Variants in KRT8 observed in about 807,000 individuals in gnomAD.
KRT8 encodes keratin 8.
A neutral mutation model predicts 43.0 loss-of-function variants in KRT8; 24 were observed. That is an observed-to-expected ratio of 0.56 (90% confidence interval 0.40 to 0.78). The LOEUF (loss-of-function observed/expected upper bound fraction) is 0.78. KRT8 is among the 30% of genes least tolerant of loss of function. The probability of loss-of-function intolerance (pLI) is 0.00; values close to 1 mark genes in which losing one functional copy is unlikely to be tolerated. For missense variants in KRT8, 492 were observed against 638.4 expected (o/e 0.77, Z 2.47); for synonymous variants, 214 against 261.2 (o/e 0.82, Z 1.74).
intron 2 of KRT8, among the ~76,000 whole-genome samples, chr12:52,940,671 G>T (rs1942253297): frequency 6.7e-6 from 1 of 149,568 alleles, no homozygotes; most frequent in Non-Finnish European, 1.5e-5. Flanking sequence ...TGTGGCCCAG[G>T]CTGGAGTGCA....
Position 52,898,374 on chromosome 12 carries a change from G to A in KRT8, c.1261+87C>T, listed in dbSNP as rs952315818. ...TGAGTGCTCAGGCTGAGGTCACTGT[G>A]AGCGACTGAGCACAGCCCCCTCCCT... On this transcript the variant is annotated intron_variant, in intron 7 of 7. Transcript: ENST00000692008. 21 of 1,142,186 alleles carry A rather than the reference G, an allele frequency of 1.8e-5. No individual in the cohort carries two copies. The Admixed American group carries it at 3.9e-4, about 21-fold the overall frequency. 70.8% of individuals were successfully genotyped at this position (1,142,186 alleles called of 1,614,324 possible). A position where few individuals can be genotyped will look rare whatever the true frequency, so the allele number is the denominator to read the frequency against.
chr12:52,919,515 G>C (rs140015056), intron 2 of KRT8, among the ~76,000 whole-genome samples: 1 of 152,024 alleles, frequency 6.6e-6, no homozygotes, highest in African/African-American at 2.4e-5. Context: ...TGATCTGCTC[G>C]CCTCAGCCTC....
At chr12:52,948,935 G>C (rs964352053) in intron 2 of KRT8, 3 of 435,800 alleles carry the variant, frequency 6.9e-6, no homozygotes, top group Non-Finnish European at 7.9e-6. Flanking sequence ...CCCGTTTCTG[G>C]GGGGTGAGCG....
At chr12:52,918,184 GA>G (rs1941801623) in intron 2 of KRT8, among the ~76,000 whole-genome samples, 2 of 110,172 alleles carry the variant, frequency 1.8e-5, no homozygotes, top group African/African-American at 7.9e-5. Flanking sequence ...GGAAGAGGAA[GA>G]AGAAGAAGAA....
intron 2 of KRT8, among the ~76,000 whole-genome samples, chr12:52,913,791 C>T (rs548184362): frequency 8.5e-5 from 13 of 152,242 alleles, no homozygotes; most frequent in East Asian, 5.8e-4. Flanking sequence ...CACCTTCCTA[C>T]GAACGTCACA....
At chr12:52,920,862 A>G (rs1941869827) in intron 2 of KRT8, among the ~76,000 whole-genome samples, 3 of 152,244 alleles carry the variant, frequency 2.0e-5, no homozygotes, top group African/African-American at 4.8e-5. Flanking sequence ...AACCAGCGAC[A>G]TAGCAAGACC....
chr12:52,931,798 G>C (rs1942089891), intron 2 of KRT8, among the ~76,000 whole-genome samples: 1 of 151,952 alleles, frequency 6.6e-6, no homozygotes, highest in Admixed American at 6.6e-5. Context: ...GAGTAGCTGG[G>C]ATTACAGGTG....
At chr12:52,904,571 G>C in intron 1 of KRT8, 87 bp downstream of exon 1, 1 of 1,294,936 alleles carries the variant, frequency 7.7e-7, no homozygotes, top group Non-Finnish European at 1.1e-6. Context: ...CAGGACGCCA[G>C]CTGGGGGCTG....
At chr12:52,931,953 G>A (rs1203181907) in intron 2 of KRT8, among the ~76,000 whole-genome samples, 5 of 151,982 alleles carry the variant, frequency 3.3e-5, no homozygotes, top group Non-Finnish European at 5.9e-5. Flanking sequence ...ATGCGCCACT[G>A]CGCTTGGCCA....
chr12:52,923,939 G>T (rs974166908), intron 2 of KRT8, among the ~76,000 whole-genome samples: 1 of 148,488 alleles, frequency 6.7e-6, no homozygotes, highest in Admixed American at 6.7e-5. Flanking sequence ...CCGCCTCCCG[G>T]GTTCAAGCGA....
At chr12:52,937,139 G>A (rs1009015726) in intron 2 of KRT8, among the ~76,000 whole-genome samples, 2 of 152,148 alleles carry the variant, frequency 1.3e-5, no homozygotes, top group African/African-American at 2.4e-5. Flanking sequence ...GGGAGGCTGA[G>A]GCGGGTGGAC....
In KRT8 at chr12:52,900,680, C is replaced by T; in HGVS notation, c.598G>A (p.Val200Met). 3 of 1,610,626 alleles carry T rather than the reference C, an allele frequency of 1.9e-6. No individual in the cohort carries two copies. Among genetic ancestry groups the T allele is most frequent in the Non-Finnish European group, 2.5e-6 (3 of 1,178,138 alleles). ...ACCTTGTTCATGTAAGCTTCATCCA[C>T]ATCCTGGGGGATGAGGAGAGGGGAG... The change falls in exon 4 of 8, where the codon GTG becomes ATG. Residue 200 changes from valine (V) to methionine (M), a missense_variant. By Grantham distance (21) the Val-to-Met change is conservative. This residue lies in a region of KRT8 where 389 missense variants were observed against 485.7 expected (regional missense o/e 0.80). Coordinates refer to ENST00000692008, the Ensembl canonical transcript of KRT8.
chr12:52,933,564 C>A (rs1054175661), intron 2 of KRT8, among the ~76,000 whole-genome samples: 1 of 152,104 alleles, frequency 6.6e-6, no homozygotes, highest in African/African-American at 2.4e-5. Flanking sequence ...CAAACCGATT[C>A]TAATAATGTA....
At chr12:52,946,219 A>G (rs1057242820) in intron 2 of KRT8, among the ~76,000 whole-genome samples, 3 of 152,214 alleles carry the variant, frequency 2.0e-5, no homozygotes, top group Non-Finnish European at 4.4e-5. Context: ...CTTGGAGAAA[A>G]ATTCTAGAAT....
At chr12:52,937,723 C>T (rs527276771) in intron 2 of KRT8, among the ~76,000 whole-genome samples, 14 of 148,162 alleles carry the variant, frequency 9.4e-5, no homozygotes, top group Non-Finnish European at 2.1e-4. Context: ...ACAGGCCGGG[C>T]ATGGTGGTTC....
At position 52,900,044 on chromosome 12, in the gene KRT8, G is replaced by A. The variant is rs1941327260; in HGVS notation, c.712C>T (p.Gln238Ter). The stretch of plus-strand genomic sequence containing the variant: ...AGCACCACAGATGTGTCCGAGATCT[G>A]GGACTGCAGCTCCCGGATCTCCTGT... The change falls in exon 5 of 8, where the codon CAG (glutamine) becomes TAG (stop). Residue 238 changes from glutamine to a stop codon, truncating the protein, a stop_gained. Transcript: ENST00000692008. LOFTEE classifies it high-confidence loss of function. 1.2e-6 allele frequency: 2 copies of A among 1,612,666 alleles called. No individual in the cohort carries two copies. The highest frequency in any genetic ancestry group is 1.7e-6 in the Non-Finnish European group (2 of 1,180,026).
At chr12:52,924,275 T>C (rs1242602975) in intron 2 of KRT8, among the ~76,000 whole-genome samples, 3 of 151,918 alleles carry the variant, frequency 2.0e-5, no homozygotes, top group African/African-American at 7.3e-5. Flanking sequence ...GGTGAAACCC[T>C]GTCTCTACTA....
intron 5 of KRT8, chr12:52,899,134 G>C (rs765733895): frequency 1.3e-4 from 70 of 528,558 alleles, no homozygotes; most frequent in Non-Finnish European, 1.5e-4. Flanking sequence ...CTAACACAGT[G>C]AAACCCCGTC....
intron 2 of KRT8, among the ~76,000 whole-genome samples, chr12:52,935,378 C>CAAAAAAAAAAAAAAAAA (rs71092794): frequency 8.4e-5 from 2 of 23,752 alleles, no homozygotes; most frequent in African/African-American, 3.9e-4. Flanking sequence ...GACTCTGTCT[C>CAAAAAAAAAAAAAAAAA]AAAAAAAAAA....
Sources: allele counts gnomAD v4.1 joint callset (sites outside exome capture counted in the v4.1 genomes callset), GRCh38; gene constraint gnomAD v4.1.1; regional missense constraint gnomAD v4.1.1; transcripts MANE v1.5; gene names NCBI Gene and HGNC (gene_info 2026-07-23, HGNC 2026-07-21).